Variants in RBFOX1 observed in about 807,000 individuals in gnomAD.
RBFOX1 encodes RNA binding fox-1 homolog 1.
Under a neutral mutation model 57.7 loss-of-function variants are expected in RBFOX1, and 8 were observed. The ratio of observed to expected loss-of-function variants is 0.14; its 90% CI spans 0.08 to 0.25. RBFOX1 has a LOEUF of 0.25. Among genes scored for constraint, RBFOX1 ranks in the 10% least tolerant of loss-of-function variants. The pLI, the probability that RBFOX1 is intolerant of heterozygous loss-of-function variation, is 1.00. For missense variants in RBFOX1, 611 were observed against 548.5 expected (o/e 1.11, Z -1.14); for synonymous variants, 326 against 222.4 (o/e 1.47, Z -4.15).
upstream of RBFOX1, among the ~76,000 whole-genome samples, chr16:6,014,668 C>G (rs564670974): frequency 1.3e-5 from 2 of 152,206 alleles, no homozygotes; most frequent in Admixed American, 6.5e-5. Flanking sequence ...TGTGAGAAAG[C>G]CTTCAGGTAA....
chr16:6,951,046 C>T (rs2080644363), intron 3 of RBFOX1, among the ~76,000 whole-genome samples: 1 of 152,048 alleles, frequency 6.6e-6, no homozygotes, highest in Non-Finnish European at 1.5e-5. Context: ...GGTGGGACTA[C>T]AGGCACGTAT....
At chr16:5,550,094 T>C (rs2045398728) in intron 2 of RBFOX1, among the ~76,000 whole-genome samples, 1 of 152,188 alleles carries the variant, frequency 6.6e-6, no homozygotes, top group Admixed American at 6.5e-5. Context: ...CTCAGATTGT[T>C]CCCTAATATA....
intron 3 of RBFOX1, among the ~76,000 whole-genome samples, chr16:6,923,282 C>G (rs1567897979): frequency 6.6e-6 from 1 of 152,106 alleles, no homozygotes; most frequent in Non-Finnish European, 1.5e-5. Context: ...GCCTATAATC[C>G]CAGAACTTTG....
At chr16:6,348,809 C>A (rs766395753) in intron 2 of RBFOX1, among the ~76,000 whole-genome samples, 13 of 152,226 alleles carry the variant, frequency 8.5e-5, no homozygotes, top group Admixed American at 7.2e-4. Flanking sequence ...TCCCATCAGG[C>A]CCCACCTCCA....
At chr16:5,370,462 CTT>C (rs34715441) in intron 1 of RBFOX1, among the ~76,000 whole-genome samples, 4 of 141,184 alleles carry the variant, frequency 2.8e-5, no homozygotes, top group Admixed American at 7.0e-5. Context: ...GCCTCCTCCT[CTT>C]TTTTTTTTTT....
rs904388087 is a variant in RBFOX1 at position 5,884,378 on chromosome 16, A to C, written c.351+17043A>C. 5.9e-5 allele frequency among the ~76,000 whole-genome samples: 9 copies of C among 152,192 alleles called. No homozygotes were observed. In the East Asian group the frequency reaches 1.5e-3, roughly 26 times the overall value. On this transcript the variant is annotated intron_variant, in intron 4 of 19. Transcript: ENST00000641259. ...CTTCCCAGACTAATTTCAGCTCTGT[A>C]GGGCTTTGCCTGGTGCCTATGGTAG...
At chr16:6,924,208 C>T (rs1330509513) in intron 3 of RBFOX1, among the ~76,000 whole-genome samples, 1 of 149,124 alleles carries the variant, frequency 6.7e-6, no homozygotes, top group Non-Finnish European at 1.5e-5. Flanking sequence ...ATAATGCCAC[C>T]TGAAACTGGG....
At chr16:7,240,606 G>A (rs1010735582) in intron 4 of RBFOX1, among the ~76,000 whole-genome samples, 4 of 152,126 alleles carry the variant, frequency 2.6e-5, no homozygotes, top group African/African-American at 9.7e-5. Flanking sequence ...CCAGGCTGGA[G>A]TACAGTGGTA....
chr16:7,305,189 T>A (rs2096149412), intron 4 of RBFOX1, among the ~76,000 whole-genome samples: 1 of 152,036 alleles, frequency 6.6e-6, no homozygotes, highest in African/African-American at 2.4e-5. Context: ...TGAGGGAGTC[T>A]GTGTTTGCTT....
At chr16:6,615,770 G>T (rs570363908) in intron 2 of RBFOX1, among the ~76,000 whole-genome samples, 1 of 152,068 alleles carries the variant, frequency 6.6e-6, no homozygotes, top group African/African-American at 2.4e-5. Flanking sequence ...TCTCATGCAC[G>T]TGAGAAGTCA....
intron 5 of RBFOX1, among the ~76,000 whole-genome samples, chr16:7,524,156 A>C (rs1429900872): frequency 6.6e-6 from 1 of 152,184 alleles, no homozygotes; most frequent in Non-Finnish European, 1.5e-5. Context: ...TTCTTTGAGA[A>C]ACTAAGTACT....
intron 3 of RBFOX1, among the ~76,000 whole-genome samples, chr16:5,727,841 C>A: frequency 6.6e-6 from 1 of 152,162 alleles, no homozygotes; most frequent in East Asian, 1.9e-4. Flanking sequence ...GTGTGCGCCA[C>A]CATGCCCACT....
intron 4 of RBFOX1, among the ~76,000 whole-genome samples, chr16:7,479,624 A>T (rs1232828953): frequency 6.6e-6 from 1 of 152,084 alleles, no homozygotes; most frequent in Non-Finnish European, 1.5e-5. Context: ...CAGCTCAGAG[A>T]TGGAAGGATG....
chr16:6,519,862 C>T (rs187038048), intron 2 of RBFOX1, among the ~76,000 whole-genome samples: 11 of 152,304 alleles, frequency 7.2e-5, no homozygotes, highest in African/African-American at 2.6e-4. Flanking sequence ...GATGAAAGGA[C>T]TTAACCAGAA....
At chr16:7,085,548 A>C (rs1260372685) in intron 4 of RBFOX1, among the ~76,000 whole-genome samples, 3 of 152,148 alleles carry the variant, frequency 2.0e-5, no homozygotes, top group Non-Finnish European at 4.4e-5. Context: ...GATACAGAGC[A>C]CGTGTTCAGT....
At chr16:7,487,458 G>C (rs1380693935) in intron 4 of RBFOX1, among the ~76,000 whole-genome samples, 1 of 152,180 alleles carries the variant, frequency 6.6e-6, no homozygotes, top group African/African-American at 2.4e-5. Context: ...GCCCAGCACA[G>C]TGAATTTCAC....
At chr16:5,281,230 C>T (rs1243922451) in intron 1 of RBFOX1, among the ~76,000 whole-genome samples, 5 of 152,066 alleles carry the variant, frequency 3.3e-5, no homozygotes, top group Admixed American at 6.6e-5. Context: ...TGTATTTGTA[C>T]AGTTTCCAAA....
At chr16:7,579,691 C>T (rs2093606451) in intron 5 of RBFOX1, 86 bp from the exon 6 acceptor site, 2 of 1,524,372 alleles carry the variant, frequency 1.3e-6, no homozygotes, top group Non-Finnish European at 1.8e-6. Flanking sequence ...CTGATCTTTT[C>T]CTGCCACTCA....
chr16:7,072,964 G>T (rs761740734), intron 4 of RBFOX1, among the ~76,000 whole-genome samples: 1 of 152,212 alleles, frequency 6.6e-6, no homozygotes, highest in Non-Finnish European at 1.5e-5. Context: ...TCCATGCCCT[G>T]AGTTCTTGGC....
Sources: allele counts gnomAD v4.1 joint callset (sites outside exome capture counted in the v4.1 genomes callset), GRCh38; gene constraint gnomAD v4.1.1; transcripts MANE v1.5; gene names NCBI Gene and HGNC (gene_info 2026-07-23, HGNC 2026-07-21).